SETD5: variants seen among roughly 807,000 people sequenced by gnomAD.
SETD5 encodes the protein histone-lysine N-methyltransferase SETD5.
In SETD5, 44 loss-of-function variants were observed where a neutral mutation model predicts 153.3. The ratio of observed to expected loss-of-function variants is 0.29; its 90% CI spans 0.23 to 0.37. The LOEUF (loss-of-function observed/expected upper bound fraction) is 0.37. Among genes scored for constraint, SETD5 ranks in the 10% least tolerant of loss-of-function variants. SETD5 has a pLI of 1.00. For synonymous variants in SETD5, 716 were observed against 645.2 expected, an observed-to-expected ratio of 1.11 and a Z score of -1.66; for missense variants, 1,544 against 1,768.0, an observed-to-expected ratio of 0.87 and a Z score of 2.27.
chr3:9,434,144 G>A lies in SETD5; in HGVS notation c.178-190G>A, dbSNP rs570304525. ...ATGTCCCAGTTGACCTTGGCATTTT[G>A]TTTTATCACTTTCCTGGTTGAAGCC... is the stretch of plus-strand genomic sequence containing the variant. On this transcript the variant is annotated intron_variant, in intron 4 of 22. Transcript: ENST00000402198. The surrounding 1 kb of genome is among the most constrained non-coding windows in gnomAD (Gnocchi z 5.6). The A allele has an allele frequency of 1.9e-6, 3 of 1,548,350 alleles. No individual in the cohort carries two copies. Among genetic ancestry groups the A allele is most frequent in the East Asian group, 4.9e-5 (2 of 41,046 alleles).
Position 9,448,108 on chromosome 3 carries a change from T to G in SETD5, c.2103+102T>G, listed in dbSNP as rs2042226172. 2.3e-6 allele frequency: 3 copies of G among 1,285,700 alleles called. 1 individual carries two copies. 79.6% of individuals were successfully genotyped at this position (1,285,700 alleles called of 1,614,324 possible). On this transcript the variant is annotated intron_variant, in intron 15 of 22. Coordinates refer to ENST00000402198, the MANE Select transcript of SETD5 (RefSeq NM_001080517.3). Reference sequence around the variant, plus strand: ...TAGAAGAAACTAATCTCAATATTACTAGATTGAAAGTTCTAAAATGCTTTG... The same window carrying G: ...TAGAAGAAACTAATCTCAATATTACGAGATTGAAAGTTCTAAAATGCTTTG...
At chr3:9,451,833 A>G (rs1181536109) in intron 16 of SETD5, among the ~76,000 whole-genome samples, 4 of 152,180 alleles carry the variant, frequency 2.6e-5, no homozygotes, top group Non-Finnish European at 5.9e-5. Flanking sequence ...GACCTTTAAA[A>G]TATTTATCCA....
chr3:9,464,052 C>T (rs1461355475), intron 17 of SETD5, among the ~76,000 whole-genome samples: 10 of 152,094 alleles, frequency 6.6e-5, no homozygotes, highest in Non-Finnish European at 1.5e-4. Context: ...CACTTGAACC[C>T]GGGAGACGGA....
At position 9,427,543 on chromosome 3, in the gene SETD5, T is replaced by A. The variant is rs183850066; in HGVS notation, c.-116-1280T>A. On this transcript the variant is annotated intron_variant, in intron 2 of 22. Transcript: ENST00000402198. ...TCAGTCTGGGCAACAAAAGTGAAAC[T>A]GTCTCAAAAAATAAAAATAAAATTT... Among the ~76,000 whole-genome samples the A allele has an allele frequency of 5.4e-4, 82 of 152,306 alleles. 1 individual carries two copies. In the East Asian group the frequency reaches 0.014, roughly 26 times the overall value.
At chr3:9,453,182 GA>G (rs1314478065) in intron 16 of SETD5, among the ~76,000 whole-genome samples, 1 of 152,030 alleles carries the variant, frequency 6.6e-6, no homozygotes, top group Non-Finnish European at 1.5e-5. Flanking sequence ...CTACTTGTTG[GA>G]GGGGGGAGTC....
chr3:9,428,614 T>C (rs923918061), intron 2 of SETD5, among the ~76,000 whole-genome samples: 2 of 152,172 alleles, frequency 1.3e-5, no homozygotes, highest in Non-Finnish European at 2.9e-5. Flanking sequence ...AAAACAAAAG[T>C]AAACATAACT....
At chr3:9,466,424 G>T (rs1055997216) in intron 18 of SETD5, among the ~76,000 whole-genome samples, 6 of 151,548 alleles carry the variant, frequency 4.0e-5, no homozygotes, top group African/African-American at 1.2e-4. Context: ...AAGTGGTTTT[G>T]GTTTTGTTTT....
chr3:9,400,167 C>T (rs1402160139), intron 1 of SETD5, among the ~76,000 whole-genome samples: 1 of 152,146 alleles, frequency 6.6e-6, no homozygotes, highest in Non-Finnish European at 1.5e-5. Context: ...ATCTCCTACC[C>T]ATTTATGGAT....
chr3:9,444,315 G>A (rs1464858145), intron 11 of SETD5, among the ~76,000 whole-genome samples: 3 of 151,900 alleles, frequency 2.0e-5, no homozygotes, highest in Non-Finnish European at 4.4e-5. Context: ...GTTTGGCCCA[G>A]GTATAAGGAA....
chr3:9,471,774 G>A (rs771544411), intron 19 of SETD5, among the ~76,000 whole-genome samples: 1 of 152,224 alleles, frequency 6.6e-6, no homozygotes, highest in Non-Finnish European at 1.5e-5. Context: ...CCAGTGACTT[G>A]CATTTATTGA....
intron 1 of SETD5, among the ~76,000 whole-genome samples, chr3:9,419,710 T>G (rs1034198645): frequency 3.9e-5 from 6 of 152,224 alleles, no homozygotes; most frequent in Non-Finnish European, 8.8e-5. Context: ...TTCATACAAG[T>G]TAATCTTTTT....
chr3:9,429,760 C>T (rs1463115944), intron 3 of SETD5: 4 of 1,063,868 alleles, frequency 3.8e-6, no homozygotes, highest in Non-Finnish European at 4.9e-6. Context: ...GTCCGAGATT[C>T]CCCCTGCTCA....
At chr3:9,459,072 T>C (rs2043606609) in intron 17 of SETD5, among the ~76,000 whole-genome samples, 1 of 152,196 alleles carries the variant, frequency 6.6e-6, no homozygotes, top group Non-Finnish European at 1.5e-5. Flanking sequence ...TGCATCCTGC[T>C]GGTTGTGGAA....
intron 2 of SETD5, among the ~76,000 whole-genome samples, chr3:9,428,234 C>T (rs768749897): frequency 6.6e-6 from 1 of 152,076 alleles, no homozygotes; most frequent in Non-Finnish European, 1.5e-5. Context: ...TGCATCTTCT[C>T]CCAAAATTAT....
chr3:9,407,048 C>G (rs553877994), intron 1 of SETD5, among the ~76,000 whole-genome samples: 13 of 152,324 alleles, frequency 8.5e-5, no homozygotes, highest in African/African-American at 2.9e-4. Context: ...CTGTAGCCAG[C>G]CAGGCGTGGC....
intron 1 of SETD5, among the ~76,000 whole-genome samples, chr3:9,404,903 A>C (rs145839257): frequency 6.6e-6 from 1 of 152,062 alleles, no homozygotes; most frequent in African/African-American, 2.4e-5. Flanking sequence ...GTGAAACACA[A>C]GCACTGTACC....
At chr3:9,458,371 C>CT (rs1340327096) in intron 17 of SETD5, among the ~76,000 whole-genome samples, 1 of 152,128 alleles carries the variant, frequency 6.6e-6, no homozygotes, top group Non-Finnish European at 1.5e-5. Context: ...ATTTCCAGCT[C>CT]TTTGGGATGC....
At chr3:9,453,592 C>T in intron 16 of SETD5, 147 bp from the exon 17 acceptor site, 1 of 669,908 alleles carries the variant, frequency 1.5e-6, no homozygotes, top group Non-Finnish European at 2.3e-6. Flanking sequence ...TTCCAATATG[C>T]TGAGACACAA....
intron 1 of SETD5, among the ~76,000 whole-genome samples, chr3:9,415,493 A>G (rs2037271538): frequency 1.3e-5 from 2 of 152,170 alleles, no homozygotes; most frequent in Admixed American, 6.5e-5. Flanking sequence ...TTACCATTTC[A>G]AAGATTTTAT....
Sources: allele counts gnomAD v4.1 joint callset (sites outside exome capture counted in the v4.1 genomes callset), GRCh38; gene constraint gnomAD v4.1.1; non-coding constraint Gnocchi (gnomAD v3.1); transcripts MANE v1.5; gene names NCBI Gene and HGNC (gene_info 2026-07-23, HGNC 2026-07-21).